Variants in MCHR2 observed in about 807,000 individuals in gnomAD.
The protein encoded by MCHR2 is melanin-concentrating hormone receptor 2.
Under a neutral mutation model 24.8 loss-of-function variants are expected in MCHR2, and 15 were observed. The observed-to-expected ratio is 0.60, with a 90% CI of 0.40 to 0.93. MCHR2 has a LOEUF of 0.93. MCHR2 is among the 40% of genes least tolerant of loss of function. The pLI, the probability that MCHR2 is intolerant of heterozygous loss-of-function variation, is 0.00. For synonymous variants in MCHR2, 151 were observed against 147.6 expected (o/e 1.02, Z -0.17); for missense variants, 386 against 408.7 (o/e 0.94, Z 0.48).
intron 1 of MCHR2, among the ~76,000 whole-genome samples, chr6:99,957,700 C>T (rs1008729664): frequency 4.0e-5 from 6 of 151,860 alleles, no homozygotes; most frequent in African/African-American, 1.5e-4. Flanking sequence ...AATTATATTT[C>T]CATATATTTT....
At chr6:99,986,023 CA>C (rs1775762063) in intron 1 of MCHR2, among the ~76,000 whole-genome samples, 1 of 152,084 alleles carries the variant, frequency 6.6e-6, no homozygotes, top group Non-Finnish European at 1.5e-5. Context: ...TGGACATGAA[CA>C]GACATTTTTC....
intron 1 of MCHR2, among the ~76,000 whole-genome samples, chr6:99,965,582 T>C (rs77191355): frequency 0.018 from 2,748 of 152,224 alleles, 34 homozygotes; most frequent in Middle Eastern, 0.085. Flanking sequence ...GAAATACTAG[T>C]GTTTAAGAGA....
chr6:99,929,094 T>C lies in MCHR2; in HGVS notation c.707+5304A>G, dbSNP rs868010911. ...TTATTTCTGCCTTCATTTCGTTATA[T>C]ACCCAGTAGTCATTCAGGAGCAGGT... is the stretch of plus-strand genomic sequence containing the variant. On this transcript the variant is annotated intron_variant, in intron 5 of 5. Transcript: ENST00000281806. Among the ~76,000 whole-genome samples, 6 of 152,338 alleles carry C rather than the reference T, an allele frequency of 3.9e-5. No homozygotes were observed. In the South Asian group the frequency reaches 6.2e-4, roughly 16 times the overall value.
chr6:99,931,885 C>T (rs1774552231), intron 5 of MCHR2, among the ~76,000 whole-genome samples: 1 of 152,152 alleles, frequency 6.6e-6, no homozygotes, highest in Non-Finnish European at 1.5e-5. Flanking sequence ...GTGAGATGGA[C>T]CCGGTACCTC....
intron 5 of MCHR2, among the ~76,000 whole-genome samples, chr6:99,925,498 T>C (rs1044311996): frequency 6.6e-6 from 1 of 152,120 alleles, no homozygotes; most frequent in African/African-American, 2.4e-5. Flanking sequence ...TGTCTTCCTT[T>C]AGTGAAGGTG....
chr6:99,926,016 G>A (rs1774348379), intron 5 of MCHR2, among the ~76,000 whole-genome samples: 1 of 151,778 alleles, frequency 6.6e-6, no homozygotes, highest in Non-Finnish European at 1.5e-5. Context: ...CCCAGAGTGT[G>A]ATGTTCCCCT....
At chr6:99,970,440 C>T (rs1775384988) in intron 1 of MCHR2, among the ~76,000 whole-genome samples, 1 of 152,056 alleles carries the variant, frequency 6.6e-6, no homozygotes, top group South Asian at 2.1e-4. Context: ...GTTTTGAGTT[C>T]ATTGTAGATT....
chr6:99,952,073 T>C (rs1472819165), intron 2 of MCHR2, among the ~76,000 whole-genome samples: 3 of 152,138 alleles, frequency 2.0e-5, no homozygotes, highest in Non-Finnish European at 4.4e-5. Flanking sequence ...TATTGAAGTA[T>C]AGGTGATTCC....
intron 4 of MCHR2, among the ~76,000 whole-genome samples, chr6:99,937,854 G>T (rs921184514): frequency 1.3e-5 from 2 of 151,556 alleles, no homozygotes; most frequent in Non-Finnish European, 2.9e-5. Context: ...TTTGATGAAA[G>T]ACTTTTTGTT....
chr6:99,926,302 C>T (rs1774356716), intron 5 of MCHR2, among the ~76,000 whole-genome samples: 1 of 152,008 alleles, frequency 6.6e-6, no homozygotes, highest in African/African-American at 2.4e-5. Flanking sequence ...CATACGTATG[C>T]ATGTGTCTTT....
chr6:99,972,155 C>T (rs890127922), intron 1 of MCHR2, among the ~76,000 whole-genome samples: 7 of 152,154 alleles, frequency 4.6e-5, no homozygotes, highest in African/African-American at 1.7e-4. Context: ...CCTCCTTGTA[C>T]CTCTGGTAGA....
intron 5 of MCHR2, among the ~76,000 whole-genome samples, chr6:99,925,320 G>C (rs551143432): frequency 1.3e-5 from 2 of 151,870 alleles, no homozygotes; most frequent in Non-Finnish European, 2.9e-5. Flanking sequence ...GAAGGCAATA[G>C]ATCAACAGGT....
chr6:99,960,376 G>A (rs1257799860), intron 1 of MCHR2, among the ~76,000 whole-genome samples: 1 of 152,126 alleles, frequency 6.6e-6, no homozygotes, highest in Non-Finnish European at 1.5e-5. Context: ...TTGATAGGAA[G>A]AATCAATATG....
intron 5 of MCHR2, among the ~76,000 whole-genome samples, chr6:99,933,645 C>T (rs1229704759): frequency 6.6e-6 from 1 of 151,860 alleles, no homozygotes; most frequent in Non-Finnish European, 1.5e-5. Context: ...TTTTTTTAAA[C>T]AAAAAGTTTG....
chr6:99,971,789 A>C (rs1257439203), intron 1 of MCHR2, among the ~76,000 whole-genome samples: 1 of 152,118 alleles, frequency 6.6e-6, no homozygotes, highest in Non-Finnish European at 1.5e-5. Context: ...GAATTTTGTC[A>C]AAGGCCTTTT....
intron 5 of MCHR2, among the ~76,000 whole-genome samples, chr6:99,931,829 G>A (rs370263022): frequency 1.6e-4 from 24 of 152,240 alleles, no homozygotes; most frequent in Non-Finnish European, 2.4e-4. Flanking sequence ...GTTCGCTCAC[G>A]GTGCACTGCA....
chr6:99,973,595 A>G (rs956690250), intron 1 of MCHR2, among the ~76,000 whole-genome samples: 1 of 152,116 alleles, frequency 6.6e-6, no homozygotes, highest in African/African-American at 2.4e-5. Context: ...TGTGAATTTG[A>G]TCCTGTCATT....
chr6:99,974,320 A>G (rs1021323397), intron 1 of MCHR2, among the ~76,000 whole-genome samples: 4 of 152,080 alleles, frequency 2.6e-5, no homozygotes, highest in African/African-American at 9.7e-5. Flanking sequence ...TCATCTTCCA[A>G]CACTGATACA....
At chr6:99,941,570 C>T (rs184494271) in intron 4 of MCHR2, among the ~76,000 whole-genome samples, 4 of 152,124 alleles carry the variant, frequency 2.6e-5, no homozygotes, top group Non-Finnish European at 5.9e-5. Context: ...TCATGAGAGT[C>T]GCGCCTTCAT....
Sources: allele counts gnomAD v4.1 joint callset (sites outside exome capture counted in the v4.1 genomes callset), GRCh38; gene constraint gnomAD v4.1.1; transcripts MANE v1.5; gene names NCBI Gene and HGNC (gene_info 2026-07-23, HGNC 2026-07-21).